Variants in CAST observed in about 807,000 individuals in gnomAD.
CAST encodes MIR583 host.
CAST carries 76 observed loss-of-function variants against 119.6 expected under a neutral mutation model. That is an observed-to-expected ratio of 0.64 (90% CI 0.53 to 0.77). The LOEUF (loss-of-function observed/expected upper bound fraction) is 0.77, where lower values mean the gene tolerates loss of function less well. CAST is among the 30% of genes least tolerant of loss of function. The pLI is 0.00. For missense variants in CAST, 953 were observed against 946.5 expected (o/e 1.01, Z -0.09); for synonymous variants, 319 against 331.6 (o/e 0.96, Z 0.41).
chr5:96,694,391 A>C (rs1379133704), intron 2 of CAST, among the ~76,000 whole-genome samples: 1 of 152,150 alleles, frequency 6.6e-6, no homozygotes, highest in Non-Finnish European at 1.5e-5. Flanking sequence ...TAATCCCAGC[A>C]CTTTGGGAGG....
chr5:96,165,668 G>C, the CAST span, among the ~76,000 whole-genome samples: 478 of 152,162 alleles, frequency 3.1e-3, 1 homozygote, highest in Non-Finnish European at 3.8e-3. Context: ...ATTTTTGCCA[G>C]GCTTCTATAT....
the CAST span, among the ~76,000 whole-genome samples, chr5:96,418,240 C>T: frequency 6.6e-6 from 1 of 152,186 alleles, no homozygotes; most frequent in Admixed American, 6.5e-5. Flanking sequence ...TCTTTATAGG[C>T]CGCAGCTCTT....
chr5:96,447,164 C>T, the CAST span, among the ~76,000 whole-genome samples: 1 of 152,170 alleles, frequency 6.6e-6, no homozygotes, highest in Non-Finnish European at 1.5e-5. Context: ...AGGAATTAAG[C>T]AAAATGAGCC....
chr5:96,548,684 C>G (rs768975801), intron 1 of CAST, among the ~76,000 whole-genome samples: 1 of 152,164 alleles, frequency 6.6e-6, no homozygotes, highest in Non-Finnish European at 1.5e-5. Flanking sequence ...CTAGAATTTT[C>G]AAGGATGCTG....
At chr5:96,336,566 AAG>A in the CAST span, among the ~76,000 whole-genome samples, 1 of 152,190 alleles carries the variant, frequency 6.6e-6, no homozygotes, top group Non-Finnish European at 1.5e-5. Flanking sequence ...GTCTGTTATG[AAG>A]AGTGGACTGC....
chr5:96,662,653 G>GGCAAGTGGCT (rs1748704169), intron 1 of CAST, among the ~76,000 whole-genome samples, 156 bp downstream of exon 1: 1 of 151,714 alleles, frequency 6.6e-6, no homozygotes, highest in African/African-American at 2.4e-5. Flanking sequence ...GCCGCTGCCA[G>GGCAAGTGGCT]GCAGGTGGCT....
the CAST span, among the ~76,000 whole-genome samples, chr5:96,301,571 C>T: frequency 6.6e-6 from 1 of 152,164 alleles, no homozygotes; most frequent in Non-Finnish European, 1.5e-5. Context: ...TTCCAAGATA[C>T]AATGGGGGTA....
the CAST span, among the ~76,000 whole-genome samples, chr5:96,229,378 A>G: frequency 6.6e-6 from 1 of 151,844 alleles, no homozygotes; most frequent in Non-Finnish European, 1.5e-5. Context: ...TCCATCAACA[A>G]TGCCTTTCAG....
intron 1 of CAST, among the ~76,000 whole-genome samples, chr5:96,613,288 A>G (rs1747394880): frequency 6.6e-6 from 1 of 152,198 alleles, no homozygotes; most frequent in African/African-American, 2.4e-5. Flanking sequence ...GATGAATGAC[A>G]GTTTTCTTCT....
the CAST span, among the ~76,000 whole-genome samples, chr5:96,487,648 G>C: frequency 6.6e-6 from 1 of 152,228 alleles, no homozygotes; most frequent in Admixed American, 6.5e-5. Flanking sequence ...GAGGGCTTTG[G>C]ATAGCCACTG....
intron 1 of CAST, among the ~76,000 whole-genome samples, chr5:96,598,871 G>A (rs1237654954): frequency 6.6e-6 from 1 of 152,106 alleles, no homozygotes; most frequent in African/African-American, 2.4e-5. Context: ...CTTTGGGCTG[G>A]GACATTGTTT....
the CAST span, among the ~76,000 whole-genome samples, chr5:96,379,949 T>G: frequency 1.3e-5 from 2 of 152,156 alleles, no homozygotes; most frequent in Admixed American, 1.3e-4. Context: ...TCCTGAATGG[T>G]GTCTGAACAG....
the CAST span, among the ~76,000 whole-genome samples, chr5:96,096,595 T>C: frequency 6.6e-6 from 1 of 152,220 alleles, no homozygotes; most frequent in Admixed American, 6.5e-5. Flanking sequence ...ATAGCTGCAA[T>C]CTTGTTTCCA....
At chr5:96,376,784 A>G in the CAST span, among the ~76,000 whole-genome samples, 3 of 152,156 alleles carry the variant, frequency 2.0e-5, no homozygotes, top group Non-Finnish European at 2.9e-5. Flanking sequence ...ACTTCTACAT[A>G]TATATAAAAA....
At chr5:96,068,420 G>C in the CAST span, among the ~76,000 whole-genome samples, 1 of 151,944 alleles carries the variant, frequency 6.6e-6, no homozygotes, top group South Asian at 2.1e-4. Context: ...CTGACTCCTG[G>C]TCCCTGTGCC....
chr5:95,987,911 A>C, the CAST span, among the ~76,000 whole-genome samples: 2 of 152,232 alleles, frequency 1.3e-5, no homozygotes, highest in Non-Finnish European at 2.9e-5. Context: ...AGTGGCTACC[A>C]TATTGGACAG....
the CAST span, among the ~76,000 whole-genome samples, chr5:96,285,987 G>A: frequency 6.6e-6 from 1 of 152,180 alleles, no homozygotes; most frequent in Non-Finnish European, 1.5e-5. Context: ...CGCTGGGGTG[G>A]ACACAATTGA....
At chr5:96,302,362 G>A in the CAST span, among the ~76,000 whole-genome samples, 1 of 152,070 alleles carries the variant, frequency 6.6e-6, no homozygotes, top group Non-Finnish European at 1.5e-5. Context: ...CACCTTGGAG[G>A]TATTTTCCCC....
chr5:96,460,839 G>A, the CAST span, among the ~76,000 whole-genome samples: 21 of 152,136 alleles, frequency 1.4e-4, no homozygotes, highest in Admixed American at 1.0e-3. Flanking sequence ...CAAGTCCATC[G>A]ATAGACCACA....
Sources: gnomAD v4.1 joint callset for allele counts (sites outside exome capture counted in the v4.1 genomes callset) on GRCh38, gnomAD v4.1.1 for gene constraint, MANE v1.5 for transcripts, NCBI Gene and HGNC (gene_info 2026-07-23, HGNC 2026-07-21) for gene names.